The following POLM variants were observed in gnomAD, a reference collection of about 807,000 sequenced individuals.
POLM encodes the protein DNA polymerase mu.
A neutral mutation model predicts 56.7 loss-of-function variants in POLM; 52 were observed. That is an observed-to-expected ratio of 0.92 (90% confidence interval 0.73 to 1.15). The LOEUF is 1.15. POLM is among the 50% of genes most tolerant of loss of function. The pLI, the probability that POLM is intolerant of heterozygous loss-of-function variation, is 0.00. For synonymous variants in POLM, 273 were observed against 274.3 expected (o/e 1.00, Z 0.05); for missense variants, 660 against 663.6 (o/e 0.99, Z 0.06).
intron 1 of POLM, 69 bp from the exon 2 acceptor site, chr7:44,080,985 T>C: frequency 7.4e-7 from 1 of 1,350,772 alleles, no homozygotes; most frequent in Non-Finnish European, 1.0e-6. Context: ...GCTCCAAGCC[T>C]TCACTCTTGC....
In POLM at chr7:44,079,736, A is replaced by G. The variant is rs572539151; in HGVS notation, c.477T>C (p.Ala159=). The stretch of plus-strand genomic sequence containing the variant: ...CTGCTGCCTCGGCCAGTATCTCCAG[A>G]GCCTCCTGCAGGGAGGGGCCCTAGG... ...LTHHNTGLSE[A]LEILAEAAGF... Residue 159 remains alanine (A), a synonymous_variant, in exon 4 of 11, where the codon GCT becomes GCC. Transcript: ENST00000242248. 10 of 1,608,636 alleles carry G rather than the reference A, an allele frequency of 6.2e-6. No individual in the cohort carries two copies. The highest frequency in any genetic ancestry group is 8.5e-6 in the Non-Finnish European group (10 of 1,176,766).
intron 1 of POLM, among the ~76,000 whole-genome samples, chr7:44,081,744 CTTTTT>C (rs1183469734): frequency 1.6e-5 from 2 of 125,406 alleles, no homozygotes; most frequent in Non-Finnish European, 3.3e-5. Flanking sequence ...GCAAATACGA[CTTTTT>C]TTTTTTTTTT....
intron 6 of POLM, 86 bp from the exon 7 acceptor site, chr7:44,074,616 TG>T: frequency 2.1e-6 from 3 of 1,430,936 alleles, no homozygotes; most frequent in Non-Finnish European, 1.8e-6. Flanking sequence ...GTGATCAACC[TG>T]GGGCCCCGTC....
At position 44,076,524 on chromosome 7, in the gene POLM, G is replaced by C; in HGVS notation, c.820C>G (p.Gln274Glu). Reference protein sequence around the residue: ...DLREQPQKLTQQQKAGLQHHQ... With the variant: ...DLREQPQKLTEQQKAGLQHHQ... Reference sequence around the variant, plus strand: ...GAGGGCTCACCCGCTTTCTGCTGTTGGGTTAGTTTCTGGGGCTGCTCTCGG... The same window carrying C: ...GAGGGCTCACCCGCTTTCTGCTGTTCGGTTAGTTTCTGGGGCTGCTCTCGG... The change falls in exon 6 of 11, where the codon CAA becomes GAA. Residue 274 changes from glutamine (Q) to glutamate (E), a missense_variant. Physicochemically the swap from Gln to Glu is conservative, Grantham distance 29 (BLOSUM62 2). Coordinates refer to ENST00000242248, the MANE Select transcript of POLM (RefSeq NM_013284.4). 6.2e-7 allele frequency: 1 copy of C among 1,613,996 alleles called. No homozygotes were observed. The highest frequency in any genetic ancestry group is 2.2e-5 in the East Asian group (1 of 44,868).
At chr7:44,076,911 C>T (rs2096185254) in intron 5 of POLM, 1 of 358,858 alleles carries the variant, frequency 2.8e-6, no homozygotes, top group South Asian at 4.6e-5. Context: ...AACAGTCACC[C>T]TAACACATCA....
At chr7:44,075,475 G>A (rs1487866432) in intron 6 of POLM, among the ~76,000 whole-genome samples, 3 of 151,030 alleles carry the variant, frequency 2.0e-5, no homozygotes, top group South Asian at 4.2e-4. Flanking sequence ...CCAGCTCTGC[G>A]GGTCTCACCT....
chr7:44,079,686 A>C lies in POLM; in HGVS notation c.527T>G (p.Leu176Arg), dbSNP rs772476679. Residue 176 changes from leucine to arginine, a missense_variant, in exon 4 of 11, where the codon CTC becomes CGC. Physicochemically the swap from Leu to Arg is moderately radical, Grantham distance 102 (BLOSUM62 -2). Transcript: ENST00000242248. Reference sequence around the variant, plus strand: ...CGAGGCTGCTCTGCAGAAGGTGAGGAGGCGGCCCTCACTGCCTTCAAAGCC... The same window carrying C: ...CGAGGCTGCTCTGCAGAAGGTGAGGCGGCGGCCCTCACTGCCTTCAAAGCC... ...AAGFEGSEGR[L>R]LTFCRAASVL... is the part of the protein sequence containing the mutation. 5.6e-6 allele frequency: 9 copies of C among 1,613,118 alleles called. No individual in the cohort carries two copies. The highest frequency in any genetic ancestry group is 5.0e-5 in the Admixed American group (3 of 59,954).
rs774707608 is a variant in POLM at position 44,082,455 on chromosome 7, A to C, written c.-17T>G. 8.4e-7 allele frequency: 1 copy of C among 1,190,084 alleles called. No individual in the cohort carries two copies. The highest frequency in any genetic ancestry group is 1.7e-5 in the African/African-American group (1 of 58,976). 73.7% of individuals were successfully genotyped at this position (1,190,084 alleles called of 1,614,324 possible). ...GGGGAGCATTGGGACGACAGCCTCC[A>C]GCAGCGCGGAGCGAACGCAGAGGGA... On this transcript the variant is annotated 5_prime_UTR_variant, in exon 1 of 11. Coordinates refer to ENST00000242248, the MANE Select transcript of POLM (RefSeq NM_013284.4).
intron 1 of POLM, 87 bp from the exon 2 acceptor site, chr7:44,081,003 T>TACCATGCAGAAGGGA: frequency 8.6e-7 from 1 of 1,157,092 alleles, no homozygotes; most frequent in Non-Finnish European, 1.2e-6. Context: ...TGCCGTCCCT[T>TACCATGCAGAAGGGA]CTGCATGGTA....
At position 44,080,762 on chromosome 7, in the gene POLM, C is replaced by T. The variant is rs766429505; in HGVS notation, c.343G>A (p.Val115Ile). The T allele has an allele frequency of 1.2e-6, 2 of 1,614,108 alleles. No individual in the cohort carries two copies. Among genetic ancestry groups the T allele is most frequent in the South Asian group, 2.2e-5 (2 of 91,086 alleles). Residue 115 changes from valine to isoleucine, a missense_variant, in exon 2 of 11, where the codon GTA becomes ATA. Physicochemically the swap from Val to Ile is conservative, Grantham distance 29 (BLOSUM62 3). Transcript: ENST00000242248. ...LTESLGAGQP[V>I]PVECRHRLEV... ...AGGCGGTGCCGGCACTCCACAGGTA[C>T]AGGCTGCCCAGCTCCCAGGCTCTCT... is the stretch of plus-strand genomic sequence containing the variant.
intron 3 of POLM, 58 bp from the exon 4 acceptor site, chr7:44,079,799 C>G: frequency 6.2e-7 from 1 of 1,610,360 alleles, no homozygotes; most frequent in Non-Finnish European, 8.5e-7. Flanking sequence ...CCCCACCTAC[C>G]ACCCATCTGT....
intron 6 of POLM, chr7:44,076,247 C>T (rs1017200426): frequency 2.4e-6 from 1 of 411,618 alleles, no homozygotes; most frequent in African/African-American, 2.0e-5. Context: ...CAGGCTGTCC[C>T]TGGTCACTGG....
Position 44,073,205 on chromosome 7 carries a change from G to A in POLM, c.*86C>T. The A allele has an allele frequency of 6.2e-7, 1 of 1,608,704 alleles. No homozygotes were observed. Among genetic ancestry groups the A allele is most frequent in the Non-Finnish European group, 8.5e-7 (1 of 1,177,152 alleles). Reference sequence around the variant, plus strand: ...GGGGAGGGGTGAAGGTGGGGGTCAGGGGGCAGCATATCTGCCTGGAGACAT... The same window carrying A: ...GGGGAGGGGTGAAGGTGGGGGTCAGAGGGCAGCATATCTGCCTGGAGACAT... On this transcript the variant is annotated 3_prime_UTR_variant, in exon 11 of 11. Transcript: ENST00000242248.
At chr7:44,079,998 G>C (rs1173022726) in intron 2 of POLM, 39 bp from the exon 3 acceptor site, 12 of 1,455,526 alleles carry the variant, frequency 8.2e-6, no homozygotes, top group Admixed American at 1.7e-5. Context: ...TGAGGCTGCA[G>C]GGCTGGCAGG....
intron 2 of POLM, 24 bp from the exon 3 acceptor site, chr7:44,079,983 C>A (rs759764495): frequency 2.0e-6 from 3 of 1,529,168 alleles, no homozygotes; most frequent in South Asian, 1.1e-5. Flanking sequence ...ATAAACAGGT[C>A]ACTGTGAGGC....
At position 44,073,960 on chromosome 7, in the gene POLM, C is replaced by T; in HGVS notation, c.1137G>A (p.Gln379=). The T allele has an allele frequency of 6.2e-7, 1 of 1,614,236 alleles. No individual in the cohort carries two copies. Among genetic ancestry groups the T allele is most frequent in the South Asian group, 1.1e-5 (1 of 91,088 alleles). Residue 379 remains glutamine (Q), a synonymous_variant, in exon 9 of 11, where the codon CAG becomes CAA. Coordinates refer to ENST00000242248, the MANE Select transcript of POLM (RefSeq NM_013284.4). ...CCESPTRLAQ[Q]SHMDAFERSF... Reference sequence around the variant, plus strand: ...TTCTCTCAAAAGCGTCCATGTGGCTCTGTTGGGCCAGGCGGGTAGGGGACT... The same window carrying T: ...TTCTCTCAAAAGCGTCCATGTGGCTTTGTTGGGCCAGGCGGGTAGGGGACT...
At chr7:44,076,442 G>A in intron 6 of POLM, 67 bp downstream of exon 6, 1 of 1,599,984 alleles carries the variant, frequency 6.3e-7, no homozygotes, top group Non-Finnish European at 8.5e-7. Flanking sequence ...CCTCTAGGGA[G>A]TTGATGCTGA....
chr7:44,078,658 C>A, intron 5 of POLM, 82 bp downstream of exon 5: 1 of 1,311,706 alleles, frequency 7.6e-7, no homozygotes, highest in African/African-American at 1.4e-5. Context: ...CCCCTGTTTG[C>A]CTCCCCGTGC....
At chr7:44,074,883 G>T (rs2096179582) in intron 6 of POLM, among the ~76,000 whole-genome samples, 1 of 152,220 alleles carries the variant, frequency 6.6e-6, no homozygotes. Flanking sequence ...TACTGATGTT[G>T]ATACAGTCAT....
Sources: gnomAD v4.1 joint callset for allele counts (sites outside exome capture counted in the v4.1 genomes callset) on GRCh38, gnomAD v4.1.1 for gene constraint, MANE v1.5 for transcripts, NCBI Gene and HGNC (gene_info 2026-07-23, HGNC 2026-07-21) for gene names.